The following BANP variants were observed in gnomAD, a reference collection of about 807,000 sequenced individuals.
BANP encodes protein BANP.
In BANP, 11 loss-of-function variants were observed where a neutral mutation model predicts 68.1. The observed-to-expected ratio is 0.16, with a 90% confidence interval of 0.10 to 0.27. The LOEUF (loss-of-function observed/expected upper bound fraction) is 0.27. Ranked by LOEUF, BANP falls within the 10% of genes least tolerant of loss-of-function variation. BANP has a pLI of 1.00. For missense variants in BANP, 504 were observed against 722.7 expected, an observed-to-expected ratio of 0.70 and a Z score of 3.47; for synonymous variants, 329 against 303.2, an observed-to-expected ratio of 1.09 and a Z score of -0.88.
intron 2 of BANP, among the ~76,000 whole-genome samples, chr16:87,980,117 C>T (rs571516907): frequency 5.7e-4 from 87 of 152,208 alleles, no homozygotes; most frequent in Non-Finnish European, 1.0e-3. Context: ...TAGGAGTGCA[C>T]TAGACAGTTC....
Position 88,004,222 on chromosome 16 carries a change from C to G in BANP, c.363-73C>G, listed in dbSNP as rs146882346. On this transcript the variant is annotated intron_variant, in intron 4 of 13. Transcript: ENST00000682872. This position sits in a 1 kb window ranked among gnomAD's most constrained non-coding sequence, Gnocchi z 7.0. The stretch of plus-strand genomic sequence containing the variant: ...CCTGGGAGTGGACTGTGTTGAATGA[C>G]TCTTATGTGCTCTTACCATGAATGT... 548 of 918,470 alleles carry G rather than the reference C, an allele frequency of 6.0e-4. No homozygotes were observed. The African/African-American group carries it at 7.3e-3, about 12-fold the overall frequency. 56.9% of individuals were successfully genotyped at this position (918,470 alleles called of 1,614,324 possible).
chr16:87,987,529 G>A (rs1244845404), intron 4 of BANP, among the ~76,000 whole-genome samples: 1 of 151,602 alleles, frequency 6.6e-6, no homozygotes, highest in Non-Finnish European at 1.5e-5. Context: ...TTCCAGACCA[G>A]CGTGGGCAAC....
At chr16:87,969,760 C>G (rs4843755) in intron 1 of BANP, among the ~76,000 whole-genome samples, 53,001 of 151,922 alleles carry the variant, frequency 0.35, 10,513 homozygotes, top group Non-Finnish European at 0.47. Flanking sequence ...TCTCGAACAC[C>G]TGACCTCTTG....
Position 88,004,781 on chromosome 16 carries a change from C to T in BANP, c.479+370C>T, listed in dbSNP as rs1375583164. Among the ~76,000 whole-genome samples, 1 of 152,236 alleles carries T rather than the reference C, an allele frequency of 6.6e-6. No individual in the cohort carries two copies. Among genetic ancestry groups the T allele is most frequent in the Non-Finnish European group, 1.5e-5 (1 of 68,042 alleles). ...CGTGTCAGGCAAACAGACGCCCTCTCCCACGGTTGCTAAGTGGTGCAGGCA... is the reference window on the plus strand; with the variant it reads ...CGTGTCAGGCAAACAGACGCCCTCTTCCACGGTTGCTAAGTGGTGCAGGCA... On this transcript the variant is annotated intron_variant, in intron 5 of 13. Transcript: ENST00000682872. The surrounding 1 kb of genome is among the most constrained non-coding windows in gnomAD (Gnocchi z 7.0).
intron 1 of BANP, among the ~76,000 whole-genome samples, chr16:87,963,867 C>G (rs1362441844): frequency 2.0e-5 from 3 of 152,166 alleles, no homozygotes; most frequent in Non-Finnish European, 2.9e-5. Context: ...AGTTTTCTGC[C>G]CAGTTACAGT....
rs1264736742 is a variant in BANP, at chr16:87,957,814, G to T, written c.-69+6299G>T. On this transcript the variant is annotated intron_variant, in intron 1 of 13. Coordinates refer to ENST00000682872, the MANE Select transcript of BANP (RefSeq NM_001386991.1). The surrounding 1 kb of genome is among the most constrained non-coding windows in gnomAD (Gnocchi z 4.3). Reference sequence around the variant, plus strand: ...GATGACGCGGGGGGAATTGGGCCACGGTCCCTGCTGTCATCATGGCATGCT... The same window carrying T: ...GATGACGCGGGGGGAATTGGGCCACTGTCCCTGCTGTCATCATGGCATGCT... 6.6e-6 allele frequency among the ~76,000 whole-genome samples: 1 copy of T among 152,168 alleles called. No homozygotes were observed.
At chr16:88,046,226 G>T (rs1274429125) in intron 11 of BANP, among the ~76,000 whole-genome samples, 2 of 152,252 alleles carry the variant, frequency 1.3e-5, no homozygotes, top group Non-Finnish European at 1.5e-5. Context: ...TTTTGCATGT[G>T]TGAATGTGTG....
intron 6 of BANP, among the ~76,000 whole-genome samples, chr16:88,007,840 C>T (rs1336503544): frequency 2.0e-5 from 3 of 151,446 alleles, no homozygotes; most frequent in Non-Finnish European, 4.4e-5. Context: ...GAGAAAGAGA[C>T]GTTGAGTTGA....
In BANP at chr16:88,056,104, C is replaced by A. The variant is rs899945149; in HGVS notation, c.1312-9163C>A. ...TCTGGGGAGGTGGGGCCCTGACTTA[C>A]AAAGGGAGGCCGTGGTGTCTCCTGC... On this transcript the variant is annotated intron_variant, in intron 11 of 13. Transcript: ENST00000682872. Among the ~76,000 whole-genome samples, 20 of 152,290 alleles carry A rather than the reference C, an allele frequency of 1.3e-4. No individual in the cohort carries two copies. The East Asian group carries it at 1.7e-3, about 13-fold the overall frequency.
In BANP at chr16:88,053,214, TATC is replaced by T. The variant is rs1378413386; in HGVS notation, c.1312-12048_1312-12046del. On this transcript the variant is annotated intron_variant, in intron 11 of 13. Transcript: ENST00000682872. ...CCTCCACCACTATCATCTCCATCAT[TATC>T]ATCACCAACACAACCACCCTAACAA... Among the ~76,000 whole-genome samples, 5 of 84,084 alleles carry T rather than the reference TATC, an allele frequency of 5.9e-5. No individual in the cohort carries two copies. The South Asian group carries it at 1.2e-3, about 21-fold the overall frequency. 55.2% of individuals were successfully genotyped at this position (84,084 alleles called of 152,430 possible). A position where few individuals can be genotyped will look rare whatever the true frequency, so the allele number is the denominator to read the frequency against.
chr16:88,010,565 G>A (rs539647982), intron 6 of BANP, among the ~76,000 whole-genome samples: 9 of 152,340 alleles, frequency 5.9e-5, no homozygotes, highest in African/African-American at 1.7e-4. Context: ...CCCAGACCTC[G>A]TTGTCCACAG....
At chr16:87,949,930 TC>T, upstream of BANP, among the ~76,000 whole-genome samples, 1 of 150,782 alleles carries the variant, frequency 6.6e-6, no homozygotes, top group Non-Finnish European at 1.5e-5. Context: ...CAGGCTGGAG[TC>T]CAGTGGCGCC....
chr16:88,030,778 A>T (rs1244253523), intron 8 of BANP, among the ~76,000 whole-genome samples: 3 of 152,142 alleles, frequency 2.0e-5, no homozygotes, highest in African/African-American at 7.2e-5. Context: ...TCTGGAGCAC[A>T]CCCATTCTTT....
At chr16:88,026,217 A>G (rs1192357537) in intron 7 of BANP, among the ~76,000 whole-genome samples, 1 of 152,194 alleles carries the variant, frequency 6.6e-6, no homozygotes. Context: ...AAGACGATGC[A>G]CCTGGCTTTG....
chr16:88,020,677 A>G (rs925862058), intron 7 of BANP, among the ~76,000 whole-genome samples: 1 of 152,162 alleles, frequency 6.6e-6, no homozygotes, highest in African/African-American at 2.4e-5. Context: ...TGTGTGGGGC[A>G]GTGGCATTCG....
chr16:88,066,718 A>T (rs902171732), intron 12 of BANP, among the ~76,000 whole-genome samples: 1 of 152,180 alleles, frequency 6.6e-6, no homozygotes, highest in African/African-American at 2.4e-5. Flanking sequence ...GAAAACATTG[A>T]ATCATTTTGT....
intron 6 of BANP, among the ~76,000 whole-genome samples, chr16:88,016,870 G>T (rs1047071517): frequency 6.6e-6 from 1 of 152,230 alleles, no homozygotes; most frequent in Non-Finnish European, 1.5e-5. Context: ...TCTGTGTCCT[G>T]AATTTCAAAA....
chr16:88,071,713 G>A lies in BANP; in HGVS notation c.1378-356G>A, dbSNP rs1339921527. 5.8e-6 allele frequency: 3 copies of A among 517,272 alleles called. No individual in the cohort carries two copies. In the East Asian group the frequency reaches 1.5e-4, roughly 26 times the overall value. 32.0% of individuals were successfully genotyped at this position (517,272 alleles called of 1,614,324 possible). On this transcript the variant is annotated intron_variant, in intron 12 of 13. Transcript: ENST00000682872. The surrounding 1 kb of genome is among the most constrained non-coding windows in gnomAD (Gnocchi z 6.5). ...CTCTGGGAGCGCTTGTGCTCTTCAT[G>A]GTTGCCACTGGGATTTTCCAGGAGG...
intron 1 of BANP, among the ~76,000 whole-genome samples, chr16:87,963,934 A>G (rs1199344198): frequency 6.6e-6 from 1 of 152,176 alleles, no homozygotes; most frequent in Non-Finnish European, 1.5e-5. Flanking sequence ...TGGGTGTCCA[A>G]TATTTTTGAA....
Sources: allele counts gnomAD v4.1 joint callset (sites outside exome capture counted in the v4.1 genomes callset), GRCh38; gene constraint gnomAD v4.1.1; non-coding constraint Gnocchi (gnomAD v3.1); transcripts MANE v1.5; gene names NCBI Gene and HGNC (gene_info 2026-07-23, HGNC 2026-07-21).